Variants in ZFYVE28 observed in about 807,000 individuals in gnomAD.
ZFYVE28 encodes the protein zinc finger FYVE-type containing 28.
In ZFYVE28, 40 loss-of-function variants were observed where a neutral mutation model predicts 82.1. That is an observed-to-expected ratio of 0.49 (90% CI 0.38 to 0.63). The LOEUF is 0.63. ZFYVE28 is among the 30% of genes least tolerant of loss of function. The probability of loss-of-function intolerance (pLI) is 0.00; values close to 1 mark genes in which losing one functional copy is unlikely to be tolerated. For missense variants in ZFYVE28, 1,321 were observed against 1,242.1 expected, an observed-to-expected ratio of 1.06 and a Z score of -0.96; for synonymous variants, 612 against 546.1, an observed-to-expected ratio of 1.12 and a Z score of -1.68.
At chr4:2,364,723 TGGACGC>T in intron 1 of ZFYVE28, 1 of 985,420 alleles carries the variant, frequency 1.0e-6, no homozygotes, top group Non-Finnish European at 1.2e-6. Flanking sequence ...GTGACAGTGG[TGGACGC>T]AGGTGATGAG....
chr4:2,278,936 C>CG (rs1491462599), intron 8 of ZFYVE28, among the ~76,000 whole-genome samples: 6 of 148,240 alleles, frequency 4.0e-5, no homozygotes, highest in Non-Finnish European at 4.4e-5. Context: ...TGTTCCCCCC[C>CG]CCCTCAAAAA....
At position 2,274,156 on chromosome 4, in the gene ZFYVE28, G is replaced by A. The variant is rs1736181068; in HGVS notation, c.2112C>T (p.Ala704=). The A allele has an allele frequency of 6.2e-7, 1 of 1,613,594 alleles. No homozygotes were observed. The highest frequency in any genetic ancestry group is 8.5e-7 in the Non-Finnish European group (1 of 1,180,010). ...DKMGPEAAPA[A]THAAPQATRE... Reference sequence around the variant, plus strand: ...TTGTGGCCTGTGGGGCAGCATGCGTGGCTGCTGGGGCCGCCTCTGGCCCCA... The same window carrying A: ...TTGTGGCCTGTGGGGCAGCATGCGTAGCTGCTGGGGCCGCCTCTGGCCCCA... Residue 704 remains alanine, a synonymous_variant, in exon 9 of 13, where the codon GCC becomes GCT. Coordinates refer to ENST00000290974, the MANE Select transcript of ZFYVE28 (RefSeq NM_020972.3).
At chr4:2,401,139 C>T (rs908851786) in intron 1 of ZFYVE28, among the ~76,000 whole-genome samples, 1 of 152,202 alleles carries the variant, frequency 6.6e-6, no homozygotes, top group East Asian at 1.9e-4. Context: ...GAGCCTCTCC[C>T]CAGTTCCCAG....
chr4:2,272,447 T>C (rs752096430), intron 10 of ZFYVE28, among the ~76,000 whole-genome samples: 3 of 152,188 alleles, frequency 2.0e-5, no homozygotes, highest in Non-Finnish European at 4.4e-5. Flanking sequence ...AGACTCCCTG[T>C]GCCTAACCAG....
At chr4:2,308,683 G>GAAAGAGAGAGAAAGAAAGAAAAGAAAAGA in intron 7 of ZFYVE28, among the ~76,000 whole-genome samples, 1 of 81,512 alleles carries the variant, frequency 1.2e-5, no homozygotes, top group African/African-American at 5.0e-5. Flanking sequence ...GAAAGAGAAA[G>GAAAGAGAGAGAAAGAAAGAAAAGAAAAGA]AAAGAAAAGA....
intron 6 of ZFYVE28, chr4:2,330,398 T>G: frequency 1.9e-6 from 2 of 1,032,098 alleles, no homozygotes; most frequent in South Asian, 3.5e-5. Context: ...TAGGGGACAG[T>G]GCAGAGGAGA....
At chr4:2,302,293 T>A (rs1715681349) in intron 8 of ZFYVE28, among the ~76,000 whole-genome samples, 1 of 152,258 alleles carries the variant, frequency 6.6e-6, no homozygotes, top group Non-Finnish European at 1.5e-5. Context: ...TGGGTCTATC[T>A]TATTTATAGA....
intron 1 of ZFYVE28, among the ~76,000 whole-genome samples, chr4:2,380,172 A>C (rs2108913404): frequency 6.6e-6 from 1 of 152,356 alleles, no homozygotes; most frequent in Non-Finnish European, 1.5e-5. Context: ...TTTCACAGAA[A>C]GGTGTCTCAT....
At chr4:2,322,710 T>C (rs181658293) in intron 6 of ZFYVE28, among the ~76,000 whole-genome samples, 2 of 152,340 alleles carry the variant, frequency 1.3e-5, no homozygotes, top group South Asian at 2.1e-4. Context: ...AAAAGGTTTT[T>C]ATCACCCCAG....
rs11404626 is a variant in ZFYVE28 at position 2,404,857 on chromosome 4, CTTTTT to C, written c.39+13423_39+13427del. Among the ~76,000 whole-genome samples, 28 of 110,994 alleles carry C rather than the reference CTTTTT, an allele frequency of 2.5e-4. No individual in the cohort carries two copies. In the South Asian group the frequency reaches 4.8e-3, roughly 19 times the overall value. 72.8% of individuals were successfully genotyped at this position (110,994 alleles called of 152,430 possible). ...TGCATTTCACCCTCTCAGTCTCGCTCTTTTTTTTTTTTTTTTTTTTGAGAGAGGGT... is the reference window on the plus strand; with the variant it reads ...TGCATTTCACCCTCTCAGTCTCGCTCTTTTTTTTTTTTTTTGAGAGAGGGT... On this transcript the variant is annotated intron_variant, in intron 1 of 12. Coordinates refer to ENST00000290974, the MANE Select transcript of ZFYVE28 (RefSeq NM_020972.3).
Position 2,304,889 on chromosome 4 carries a change from G to C in ZFYVE28, c.1451C>G (p.Ser484Trp). 1 of 1,612,652 alleles carries C rather than the reference G, an allele frequency of 6.2e-7. No individual in the cohort carries two copies. Among genetic ancestry groups the C allele is most frequent in the South Asian group, 1.1e-5 (1 of 91,068 alleles). The change falls in exon 8 of 13, where the codon TCG (serine) becomes TGG (tryptophan). Residue 484 changes from serine to tryptophan, a missense_variant. Ser to Trp is a radical substitution (Grantham distance 177). This residue lies in a region of ZFYVE28 where 978 missense variants were observed against 833.7 expected (regional missense o/e 1.17). Transcript: ENST00000290974. ...AGTSSCSCLD[S>W]RLHLDGWEVG... The stretch of plus-strand genomic sequence containing the variant: ...CTCCCAGCCGTCCAGGTGCAGCCGC[G>C]AGTCCAGGCAGCTGCAGGAGCTGGT...
intron 9 of ZFYVE28, 39 bp from the exon 10 acceptor site, chr4:2,273,328 G>T (rs201052587): frequency 1.1e-5 from 17 of 1,571,774 alleles, no homozygotes; most frequent in Non-Finnish European, 1.4e-5. Context: ...ACAGAAGGAC[G>T]GATGGAAGGA....
At chr4:2,333,244 C>T (rs1180662339) in intron 6 of ZFYVE28, among the ~76,000 whole-genome samples, 3 of 95,870 alleles carry the variant, frequency 3.1e-5, no homozygotes, top group Non-Finnish European at 6.7e-5. Flanking sequence ...CCTTCCCTGA[C>T]CCCCCACACT....
At position 2,347,186 on chromosome 4, in the gene ZFYVE28, A is replaced by C. The variant is rs74827069; in HGVS notation, c.181-5571T>G. On this transcript the variant is annotated intron_variant, in intron 2 of 12. Transcript: ENST00000290974. ...GCAAAGAGTACTGCCAAGGACCAAAAAAAGTCATTTTATAATAATAAAGGG... is the reference window on the plus strand; with the variant it reads ...GCAAAGAGTACTGCCAAGGACCAAACAAAGTCATTTTATAATAATAAAGGG... Among the ~76,000 whole-genome samples, 379 of 152,344 alleles carry C rather than the reference A, an allele frequency of 2.5e-3. 12 individuals are homozygous for C. The East Asian group carries it at 0.062, about 25-fold the overall frequency.
In ZFYVE28 at chr4:2,348,340, AG is replaced by A. The variant is rs370691022; in HGVS notation, c.180+5592del. Reference sequence around the variant, plus strand: ...AAAATCTTCCTACAAAGAAAACTCCAGTTCCAGATAGATTAATAGTGAATTC... The same window carrying A: ...AAAATCTTCCTACAAAGAAAACTCCATTCCAGATAGATTAATAGTGAATTC... On this transcript the variant is annotated intron_variant, in intron 2 of 12. Transcript: ENST00000290974. Among the ~76,000 whole-genome samples the A allele has an allele frequency of 1.1e-4, 16 of 152,360 alleles. 1 individual carries two copies. The South Asian group carries it at 1.7e-3, about 16-fold the overall frequency.
In ZFYVE28 at chr4:2,403,445, C is replaced by T. The variant is rs73791774; in HGVS notation, c.39+14840G>A. ...AGCACGGCCCTGGCCATCCCTGGAT[C>T]GTGGCGGGAGGACATAGCGCACTTC... On this transcript the variant is annotated intron_variant, in intron 1 of 12. Coordinates refer to ENST00000290974, the MANE Select transcript of ZFYVE28 (RefSeq NM_020972.3). Among the ~76,000 whole-genome samples, 801 of 152,340 alleles carry T rather than the reference C, an allele frequency of 5.3e-3. 8 individuals are homozygous for T. The highest frequency in any genetic ancestry group is 0.017 in the African/African-American group (718 of 41,582).
In ZFYVE28 at chr4:2,305,444, T is replaced by A. The variant is rs371097952; in HGVS notation, c.896A>T (p.Asp299Val). The part of the protein sequence containing the change: ...SQDVEFPIRA[D>V]VQGPAALAPA... ...CGCCAGGGCAGCGGGTCCCTGCACG[T>A]CTGCGCGGATGGGGAACTCCACGTC... The change falls in exon 8 of 13, where the codon GAC (aspartate) becomes GTC (valine). Residue 299 changes from aspartate (D) to valine (V), a missense_variant. Asp to Val is a radical substitution (Grantham distance 152). Around this residue, in one of 2 missense-constraint regions of ZFYVE28, gnomAD observed 978 missense variants for 833.7 expected, o/e 1.17. Coordinates refer to ENST00000290974, the MANE Select transcript of ZFYVE28 (RefSeq NM_020972.3). The A allele has an allele frequency of 1.9e-6, 3 of 1,612,824 alleles. No individual in the cohort carries two copies. Among genetic ancestry groups the A allele is most frequent in the Admixed American group, 1.7e-5 (1 of 60,004 alleles).
Position 2,413,302 on chromosome 4 carries a change from C to T in ZFYVE28, c.39+4983G>A, listed in dbSNP as rs1032652758. On this transcript the variant is annotated intron_variant, in intron 1 of 12. Transcript: ENST00000290974. ...AAGAGCACATGGGCTCTCAGGCGTC[C>T]GCACTGCACTCCCGCTGACCACAGC... is the stretch of plus-strand genomic sequence containing the variant. Among the ~76,000 whole-genome samples, 18 of 152,368 alleles carry T rather than the reference C, an allele frequency of 1.2e-4. No individual in the cohort carries two copies. The East Asian group carries it at 1.3e-3, about 11-fold the overall frequency.
intron 5 of ZFYVE28, 41 bp downstream of exon 5, chr4:2,337,366 C>A: frequency 6.5e-7 from 1 of 1,547,492 alleles, no homozygotes; most frequent in South Asian, 1.2e-5. Flanking sequence ...GCAGGGACTC[C>A]CCAGATGCTG....
Sources: gnomAD v4.1 joint callset for allele counts (sites outside exome capture counted in the v4.1 genomes callset) on GRCh38, gnomAD v4.1.1 for gene constraint, gnomAD v4.1.1 regional missense constraint, MANE v1.5 for transcripts, NCBI Gene and HGNC (gene_info 2026-07-23, HGNC 2026-07-21) for gene names.